The following CD244 variants were observed in gnomAD, a reference collection of about 807,000 sequenced individuals.
CD244 encodes natural killer cell receptor 2B4.
CD244 carries 20 observed loss-of-function variants against 45.5 expected under a neutral mutation model. The observed-to-expected ratio is 0.44, with a 90% CI of 0.31 to 0.64. The LOEUF is 0.64. Among genes scored for constraint, CD244 ranks in the 30% least tolerant of loss-of-function variants. The pLI is 0.08. For missense variants in CD244, 407 were observed against 426.9 expected, an observed-to-expected ratio of 0.95 and a Z score of 0.41; for synonymous variants, 185 against 160.5, an observed-to-expected ratio of 1.15 and a Z score of -1.15.
intron 6 of CD244, 23 bp downstream of exon 6, chr1:160,836,172 G>A (rs1170295113): frequency 1.3e-6 from 2 of 1,591,954 alleles, no homozygotes; most frequent in Non-Finnish European, 1.7e-6. Context: ...GTATGGAATG[G>A]ACTAGAGAAA....
chr1:160,849,709 G>A (rs1268537060), intron 1 of CD244, among the ~76,000 whole-genome samples: 7 of 152,174 alleles, frequency 4.6e-5, no homozygotes, highest in Non-Finnish European at 1.0e-4. Flanking sequence ...AAGGAAAATA[G>A]TCAAAGGGAA....
At position 160,847,062 on chromosome 1, in the gene CD244, G is replaced by A. The variant is rs150232396; in HGVS notation, c.62-5161C>T. ...ATTAAATACAAAAGAAGGCAATAAC[G>A]GAGAAAATGAACAAAAAAAGACATA... On this transcript the variant is annotated intron_variant, in intron 1 of 8. Coordinates refer to ENST00000368034, the MANE Select transcript of CD244 (RefSeq NM_016382.4). 5.0e-3 allele frequency among the ~76,000 whole-genome samples: 753 copies of A among 151,210 alleles called. 5 individuals are homozygous for A. The highest frequency in any genetic ancestry group is 7.9e-3 in the Non-Finnish European group (537 of 67,794).
intron 6 of CD244, among the ~76,000 whole-genome samples, chr1:160,835,718 A>G (rs987050331): frequency 1.3e-5 from 2 of 152,230 alleles, no homozygotes; most frequent in African/African-American, 4.8e-5. Flanking sequence ...ATAAATAAAG[A>G]GACCCTGTCT....
In CD244 at chr1:160,841,879, A is replaced by G. The variant is rs143887406; in HGVS notation, c.84T>C (p.His28=). The change falls in exon 2 of 9, where the codon CAT becomes CAC. Residue 28 remains histidine, a synonymous_variant. Transcript: ENST00000368034. ...QGKGCQGSAD[H]VVSISGVPLQ... The stretch of plus-strand genomic sequence containing the variant: ...GAGGCACTCCCGAGATGCTAACCAC[A>G]TGGTCAGCTGATCCCTGGCATCCTA... 4,624 of 1,613,930 alleles carry G rather than the reference A, an allele frequency of 2.9e-3. 18 individuals carry two copies. The highest frequency in any genetic ancestry group is 5.1e-3 in the Middle Eastern group (31 of 6,060).
Position 160,831,409 on chromosome 1 carries a change from T to C in CD244, c.1036A>G (p.Lys346Glu). Residue 346 changes from lysine to glutamate, a missense_variant, in exon 9 of 9, where the codon AAA becomes GAA. Physicochemically the swap from Lys to Glu is moderately conservative, Grantham distance 56. Coordinates refer to ENST00000368034, the MANE Select transcript of CD244 (RefSeq NM_016382.4). ...CTCAATCGAGCAGGGTTCTGGGCTT[T>C]AGGTTGACTCTTTCCAATCTGCAAA... ...IYEVIGKSQP[K>E]AQNPARLSRK... 15 of 1,613,996 alleles carry C rather than the reference T, an allele frequency of 9.3e-6. No individual in the cohort carries two copies. The highest frequency in any genetic ancestry group is 1.3e-5 in the Non-Finnish European group (15 of 1,179,832).
chr1:160,848,692 C>A (rs765442859), intron 1 of CD244, among the ~76,000 whole-genome samples: 2 of 152,116 alleles, frequency 1.3e-5, no homozygotes, highest in Non-Finnish European at 2.9e-5. Flanking sequence ...GTTGGTCATG[C>A]CTATGAAGTG....
intron 1 of CD244, among the ~76,000 whole-genome samples, chr1:160,843,430 A>G (rs1437856892): frequency 6.6e-6 from 1 of 152,180 alleles, no homozygotes; most frequent in Non-Finnish European, 1.5e-5. Context: ...TACTAAACCT[A>G]CAAGGAGGAC....
chr1:160,851,504 C>T lies in CD244; in HGVS notation c.62-9603G>A, dbSNP rs150080350. On this transcript the variant is annotated intron_variant, in intron 1 of 8. Transcript: ENST00000368034. ...AATTGATATCTATAAGGAAAAAAAA[C>T]CTTGATATCTCCCTCATATCATATA... Among the ~76,000 whole-genome samples, 468 of 152,130 alleles carry T rather than the reference C, an allele frequency of 3.1e-3. 4 individuals carry two copies. Among genetic ancestry groups the T allele is most frequent in the Middle Eastern group, 0.024 (7 of 294 alleles).
intron 1 of CD244, among the ~76,000 whole-genome samples, chr1:160,843,313 T>G (rs1557836999): frequency 1.3e-5 from 2 of 152,224 alleles, no homozygotes; most frequent in Non-Finnish European, 2.9e-5. Flanking sequence ...GTGCTGTGCA[T>G]CTCTGTGTCT....
intron 7 of CD244, among the ~76,000 whole-genome samples, chr1:160,833,543 T>C (rs950509333): frequency 6.6e-6 from 1 of 152,178 alleles, no homozygotes; most frequent in African/African-American, 2.4e-5. Context: ...AGGATTTCAG[T>C]GCAAAAGGAT....
Position 160,841,910 on chromosome 1 carries a change from G to A in CD244, c.62-9C>T, listed in dbSNP as rs922913584. The A allele has an allele frequency of 3.1e-6, 5 of 1,612,216 alleles. No homozygotes were observed. Among genetic ancestry groups the A allele is most frequent in the Non-Finnish European group, 3.4e-6 (4 of 1,178,872 alleles). On this transcript the variant is annotated splice_polypyrimidine_tract_variant and intron_variant, in intron 1 of 8. Transcript: ENST00000368034. ...AGCTGATCCCTGGCATCCTAGGAAA[G>A]AGAACCCAAGCTGAAAGTAGCGGGA...
At position 160,831,264 on chromosome 1, in the gene CD244, T is replaced by C. The variant is rs1571080319; in HGVS notation, c.*83A>G. The C allele has an allele frequency of 4.2e-5, 41 of 975,312 alleles. 1 individual carries two copies. In the East Asian group the frequency reaches 8.6e-4, roughly 20 times the overall value. 60.4% of individuals were successfully genotyped at this position (975,312 alleles called of 1,614,324 possible). On this transcript the variant is annotated 3_prime_UTR_variant, in exon 9 of 9. Coordinates refer to ENST00000368034, the MANE Select transcript of CD244 (RefSeq NM_016382.4). ...CCTCTCCAGACTAGGAACTGTTCTA[T>C]AGAGACTCCTGTGCCGTCATCCACT... is the stretch of plus-strand genomic sequence containing the variant.
At chr1:160,832,887 T>TAC (rs771835752) in intron 7 of CD244, among the ~76,000 whole-genome samples, 36 of 143,194 alleles carry the variant, frequency 2.5e-4, no homozygotes, top group Admixed American at 4.1e-4. Context: ...TATATATATA[T>TAC]ACACACACAC....
intron 1 of CD244, among the ~76,000 whole-genome samples, chr1:160,861,168 A>T (rs1670288360): frequency 6.6e-6 from 1 of 151,428 alleles, no homozygotes; most frequent in Non-Finnish European, 1.5e-5. Context: ...CCAGGTTCCA[A>T]CCTAGCTCTC....
At chr1:160,835,620 A>G (rs1669306337) in intron 6 of CD244, among the ~76,000 whole-genome samples, 3 of 152,134 alleles carry the variant, frequency 2.0e-5, no homozygotes, top group Admixed American at 2.0e-4. Context: ...CATAACGGGT[A>G]TACCAAAAAT....
intron 1 of CD244, among the ~76,000 whole-genome samples, chr1:160,858,389 G>A (rs772155746): frequency 6.6e-6 from 1 of 152,128 alleles, no homozygotes; most frequent in Non-Finnish European, 1.5e-5. Context: ...TAATCTATAA[G>A]GTGTCACCTG....
intron 1 of CD244, among the ~76,000 whole-genome samples, chr1:160,859,169 A>G (rs1670206878): frequency 6.6e-6 from 1 of 152,176 alleles, no homozygotes; most frequent in Admixed American, 6.5e-5. Context: ...TGAGGGGTTG[A>G]GGGAAGAGGC....
Position 160,843,926 on chromosome 1 carries a change from G to A in CD244, c.62-2025C>T, listed in dbSNP as rs149622646. 1.4e-4 allele frequency among the ~76,000 whole-genome samples: 21 copies of A among 152,298 alleles called. No homozygotes were observed. The East Asian group carries it at 3.5e-3, about 25-fold the overall frequency. On this transcript the variant is annotated intron_variant, in intron 1 of 8. Transcript: ENST00000368034. ...GGAACTAAGAGAACATGAAGTTCAC[G>A]TCCCTCCTATTAGAAAGCGGGTATA...
At chr1:160,861,663 C>G (rs1382187652) in intron 1 of CD244, among the ~76,000 whole-genome samples, 1 of 151,954 alleles carries the variant, frequency 6.6e-6, no homozygotes, top group East Asian at 1.9e-4. Flanking sequence ...ATGGTGAAAC[C>G]TGGTCTCTAC....
Sources: allele counts gnomAD v4.1 joint callset (sites outside exome capture counted in the v4.1 genomes callset), GRCh38; gene constraint gnomAD v4.1.1; transcripts MANE v1.5; gene names NCBI Gene and HGNC (gene_info 2026-07-23, HGNC 2026-07-21).